The following CFAP95 variants were observed in gnomAD, a reference collection of about 807,000 sequenced individuals.
CFAP95 encodes cilia- and flagella-associated protein 95.
chr9:69,901,201 G>A, the CFAP95 span, among the ~76,000 whole-genome samples: 9 of 151,152 alleles, frequency 6.0e-5, no homozygotes, highest in South Asian at 4.2e-4. Flanking sequence ...GCAGTGGCGC[G>A]ATCTTGGCTC....
chr9:69,843,803 A>G, the CFAP95 span, among the ~76,000 whole-genome samples: 2 of 150,584 alleles, frequency 1.3e-5, no homozygotes, highest in African/African-American at 4.9e-5. Flanking sequence ...ACCAAGCCCA[A>G]CTGATTTTTG....
chr9:69,882,947 G>A, the CFAP95 span, among the ~76,000 whole-genome samples: 1 of 152,152 alleles, frequency 6.6e-6, no homozygotes, highest in Admixed American at 6.5e-5. Flanking sequence ...TGGAATCAGG[G>A]TAATACTGGC....
chr9:69,905,644 A>G, the CFAP95 span, among the ~76,000 whole-genome samples: 93 of 152,256 alleles, frequency 6.1e-4, no homozygotes, highest in African/African-American at 2.2e-3. Flanking sequence ...TTTGGTCTAT[A>G]TATATGATCA....
At chr9:69,876,328 T>A in the CFAP95 span, among the ~76,000 whole-genome samples, 1 of 151,710 alleles carries the variant, frequency 6.6e-6, no homozygotes, top group South Asian at 2.1e-4. Context: ...AGGCCAGGAG[T>A]TCAAGACCAG....
the CFAP95 span, among the ~76,000 whole-genome samples, chr9:69,830,510 A>T: frequency 6.6e-6 from 1 of 152,182 alleles, no homozygotes; most frequent in Non-Finnish European, 1.5e-5. Context: ...CTCCCTCCCC[A>T]GCCAACTTGT....
At chr9:69,831,178 T>G in the CFAP95 span, among the ~76,000 whole-genome samples, 1 of 152,290 alleles carries the variant, frequency 6.6e-6, no homozygotes, top group Non-Finnish European at 1.5e-5. Flanking sequence ...CCAGGTTCAA[T>G]TAAATGGAAG....
the CFAP95 span, among the ~76,000 whole-genome samples, chr9:69,879,325 A>T: frequency 6.6e-6 from 1 of 152,168 alleles, no homozygotes; most frequent in East Asian, 1.9e-4. Flanking sequence ...TTGTTGACCA[A>T]AAGATCACCA....
the CFAP95 span, among the ~76,000 whole-genome samples, chr9:69,821,474 T>C: frequency 6.6e-6 from 1 of 151,966 alleles, no homozygotes; most frequent in African/African-American, 2.4e-5. Context: ...GGGGGTGCTG[T>C]CAGAGGCCTG....
chr9:69,836,135 T>C, the CFAP95 span, among the ~76,000 whole-genome samples: 2 of 152,128 alleles, frequency 1.3e-5, no homozygotes, highest in Non-Finnish European at 2.9e-5. Flanking sequence ...TTATGAAAGG[T>C]GGTAGATGAT....
At chr9:69,835,934 C>T in the CFAP95 span, among the ~76,000 whole-genome samples, 4 of 152,180 alleles carry the variant, frequency 2.6e-5, no homozygotes, top group South Asian at 2.1e-4. Flanking sequence ...CCCTCTCCTC[C>T]GCTGACACGG....
At chr9:69,828,392 C>T in the CFAP95 span, among the ~76,000 whole-genome samples, 6 of 152,296 alleles carry the variant, frequency 3.9e-5, no homozygotes, top group Non-Finnish European at 8.8e-5. Context: ...AAATATGTGT[C>T]TAGGTTGGGC....
At chr9:69,844,563 C>G in the CFAP95 span, 4 of 1,612,864 alleles carry the variant, frequency 2.5e-6, no homozygotes, top group South Asian at 4.4e-5. Context: ...TATAGAGGGT[C>G]CTGAGAAAGT....
the CFAP95 span, among the ~76,000 whole-genome samples, chr9:69,872,029 C>A: frequency 2.0e-5 from 3 of 152,176 alleles, no homozygotes; most frequent in East Asian, 5.8e-4. Context: ...AAGATAGATA[C>A]TGCAACAATC....
chr9:69,834,941 C>T, the CFAP95 span, among the ~76,000 whole-genome samples: 2 of 152,206 alleles, frequency 1.3e-5, no homozygotes, highest in Admixed American at 6.5e-5. Flanking sequence ...AGTTTGAGGG[C>T]TATGCCACCA....
the CFAP95 span, among the ~76,000 whole-genome samples, chr9:69,866,030 G>A: frequency 6.6e-6 from 1 of 152,128 alleles, no homozygotes; most frequent in African/African-American, 2.4e-5. Flanking sequence ...CAGGATTTGA[G>A]CTGAGATAGT....
the CFAP95 span, among the ~76,000 whole-genome samples, chr9:69,886,421 A>C: frequency 3.3e-5 from 5 of 152,220 alleles, no homozygotes; most frequent in East Asian, 3.8e-4. Flanking sequence ...GAAAAGAAAA[A>C]TCCATGCTAG....
the CFAP95 span, among the ~76,000 whole-genome samples, chr9:69,873,964 T>C: frequency 6.6e-6 from 1 of 152,190 alleles, no homozygotes; most frequent in South Asian, 2.1e-4. Flanking sequence ...TTTCTTATCT[T>C]ACGAAACATC....
chr9:69,842,062 C>T, the CFAP95 span, among the ~76,000 whole-genome samples: 2 of 152,284 alleles, frequency 1.3e-5, no homozygotes, highest in East Asian at 1.9e-4. Flanking sequence ...CCATGTGTCC[C>T]CAAGCCCAGA....
chr9:69,898,560 A>C, the CFAP95 span, among the ~76,000 whole-genome samples: 4 of 152,224 alleles, frequency 2.6e-5, no homozygotes, highest in Non-Finnish European at 1.5e-5. Flanking sequence ...TGAAGACATC[A>C]TGCCCTTTTG....
Sources: allele counts gnomAD v4.1 joint callset (sites outside exome capture counted in the v4.1 genomes callset), GRCh38; gene constraint gnomAD v4.1.1; transcripts MANE v1.5; gene names NCBI Gene and HGNC (gene_info 2026-07-23, HGNC 2026-07-21).